Variants in CSMD2 observed in about 807,000 individuals in gnomAD.
CSMD2 encodes CUB and Sushi multiple domains 2.
In CSMD2, 130 loss-of-function variants were observed where a neutral mutation model predicts 398.5. The observed-to-expected ratio is 0.33, with a 90% confidence interval of 0.28 to 0.38. The LOEUF is 0.38. CSMD2 is among the 10% of genes least tolerant of loss of function. The pLI is 1.00. For missense variants in CSMD2, 3,829 were observed against 4,764.9 expected (o/e 0.80, Z 5.78); for synonymous variants, 1,828 against 1,908.5 (o/e 0.96, Z 1.10).
At chr1:33,680,953 C>T (rs187274031) in intron 25 of CSMD2, among the ~76,000 whole-genome samples, 1,039 of 95,640 alleles carry the variant, frequency 0.011, 8 homozygotes, top group Middle Eastern at 0.053. Context: ...GAGACAGAAT[C>T]TCACTCTGGC....
At chr1:33,531,376 A>G (rs1012051986) in intron 64 of CSMD2, among the ~76,000 whole-genome samples, 1 of 152,206 alleles carries the variant, frequency 6.6e-6, no homozygotes, top group Non-Finnish European at 1.5e-5. Flanking sequence ...TTGGACCCTG[A>G]TGCATTGCTG....
rs1428098485 is a variant in CSMD2 at position 33,567,773 on chromosome 1, T to C, written c.8200A>G (p.Thr2734Ala). ...GGAGTCCCACAGTGTCCAGCTTTGG[T>C]GAGGGATGGGGAAGAGAGTACATCG... ...LFDVLSSPSL[T>A]KAGHCGTPEP... Residue 2734 changes from threonine (T) to alanine (A), a missense_variant, in exon 53 of 71, where the codon ACC becomes GCC. This residue lies in a region of CSMD2 where 917 missense variants were observed against 1,199.5 expected (regional missense o/e 0.76). Transcript: ENST00000373381. The C allele has an allele frequency of 6.2e-7, 1 of 1,613,618 alleles. No individual in the cohort carries two copies.
At chr1:33,800,288 G>A (rs1253606652) in intron 10 of CSMD2, among the ~76,000 whole-genome samples, 1 of 152,172 alleles carries the variant, frequency 6.6e-6, no homozygotes, top group African/African-American at 2.4e-5. Context: ...ATTAACTCCT[G>A]GGGTGAGGAG....
At chr1:33,673,819 A>G (rs559403255) in intron 25 of CSMD2, among the ~76,000 whole-genome samples, 2 of 152,364 alleles carry the variant, frequency 1.3e-5, no homozygotes, top group Non-Finnish European at 2.9e-5. Context: ...ACATTCTTAA[A>G]GAAAAGAATT....
At chr1:34,128,840 G>A (rs1372170488) in intron 1 of CSMD2, among the ~76,000 whole-genome samples, 1 of 152,148 alleles carries the variant, frequency 6.6e-6, no homozygotes, top group Non-Finnish European at 1.5e-5. Flanking sequence ...GAGGTTCAAG[G>A]TCAAAGCCTG....
intron 1 of CSMD2, among the ~76,000 whole-genome samples, chr1:34,114,584 A>C (rs1013858101): frequency 6.6e-6 from 1 of 152,140 alleles, no homozygotes; most frequent in African/African-American, 2.4e-5. Flanking sequence ...CTATAGTCCT[A>C]GCTACTCAGG....
chr1:34,158,867 G>A (rs1641049549), intron 1 of CSMD2, among the ~76,000 whole-genome samples: 1 of 152,186 alleles, frequency 6.6e-6, no homozygotes, highest in Non-Finnish European at 1.5e-5. Flanking sequence ...CAATATTACA[G>A]TGATAATTAA....
intron 22 of CSMD2, among the ~76,000 whole-genome samples, chr1:33,708,722 C>T (rs562935975): frequency 6.6e-6 from 1 of 151,916 alleles, no homozygotes; most frequent in Non-Finnish European, 1.5e-5. Context: ...CCACCTCAGC[C>T]TACCCAGTAG....
intron 2 of CSMD2, among the ~76,000 whole-genome samples, chr1:34,077,507 C>A (rs186434560): frequency 3.5e-4 from 47 of 134,154 alleles, no homozygotes; most frequent in African/African-American, 1.1e-3. Context: ...GAGGCCGAGG[C>A]GGGCGAATCA....
chr1:34,055,415 C>G (rs1347467720), intron 2 of CSMD2, among the ~76,000 whole-genome samples: 1 of 152,072 alleles, frequency 6.6e-6, no homozygotes, highest in African/African-American at 2.4e-5. Flanking sequence ...CTCAGTCTCA[C>G]AAGACTGCCT....
intron 25 of CSMD2, among the ~76,000 whole-genome samples, chr1:33,691,603 T>C (rs909034000): frequency 2.0e-5 from 3 of 152,210 alleles, no homozygotes; most frequent in Non-Finnish European, 2.9e-5. Flanking sequence ...GCTATACTTC[T>C]ATTCCTTTTC....
At chr1:33,808,574 A>C (rs1159909086) in intron 10 of CSMD2, among the ~76,000 whole-genome samples, 1 of 152,094 alleles carries the variant, frequency 6.6e-6, no homozygotes, top group Non-Finnish European at 1.5e-5. Flanking sequence ...AACTGTAAAA[A>C]TCTGTAGGAA....
intron 2 of CSMD2, among the ~76,000 whole-genome samples, chr1:34,057,480 C>T (rs564660912): frequency 6.6e-6 from 1 of 152,152 alleles, no homozygotes; most frequent in Non-Finnish European, 1.5e-5. Context: ...AGGACCCCTC[C>T]CCTCCTAGCA....
chr1:34,057,645 G>A (rs1207699995), intron 2 of CSMD2, among the ~76,000 whole-genome samples: 2 of 152,084 alleles, frequency 1.3e-5, no homozygotes, highest in African/African-American at 4.8e-5. Flanking sequence ...ACCGCTTCCC[G>A]TTACTCCCTT....
intron 1 of CSMD2, among the ~76,000 whole-genome samples, chr1:34,145,935 C>A (rs991049280): frequency 2.0e-5 from 3 of 152,208 alleles, no homozygotes; most frequent in African/African-American, 7.2e-5. Flanking sequence ...AGCCCTAACT[C>A]TGCAGATGTC....
At chr1:34,006,461 C>T (rs1008061200) in intron 3 of CSMD2, among the ~76,000 whole-genome samples, 51 of 152,196 alleles carry the variant, frequency 3.4e-4, no homozygotes. Context: ...TTCACCTCCA[C>T]ACTGTTTCCA....
intron 13 of CSMD2, among the ~76,000 whole-genome samples, chr1:33,761,744 A>G (rs1413227775): frequency 6.6e-6 from 1 of 152,174 alleles, no homozygotes; most frequent in Non-Finnish European, 1.5e-5. Context: ...GCCTCAGACC[A>G]CCACCCACTG....
At chr1:34,160,724 C>T (rs930706561) in intron 1 of CSMD2, among the ~76,000 whole-genome samples, 1 of 152,156 alleles carries the variant, frequency 6.6e-6, no homozygotes, top group Non-Finnish European at 1.5e-5. Flanking sequence ...ATATATAAGG[C>T]AGACAAATAA....
rs1246382488 is a variant in CSMD2, at chr1:33,577,383, A to G, written c.7489T>C (p.Tyr2497His). 1.2e-6 allele frequency: 2 copies of G among 1,614,040 alleles called. No homozygotes were observed. Among genetic ancestry groups the G allele is most frequent in the East Asian group, 4.5e-5 (2 of 44,886 alleles). ...GCCATGCTGTGTCCCACCAGGCGGT[A>G]GCCGGCGTTGCAGCCAAAGTGGATG... Reference protein sequence around the residue: ...GSIHFGCNAGYRLVGHSMAIC... With the variant: ...GSIHFGCNAGHRLVGHSMAIC... Residue 2497 changes from tyrosine (Y) to histidine (H), a missense_variant, in exon 49 of 71, where the codon TAC (tyrosine) becomes CAC (histidine). Physicochemically the swap from Tyr to His is moderately conservative, Grantham distance 83 (BLOSUM62 2). Coordinates refer to ENST00000373381, the MANE Select transcript of CSMD2 (RefSeq NM_001281956.2).
Sources: gnomAD v4.1 joint callset for allele counts (sites outside exome capture counted in the v4.1 genomes callset) on GRCh38, gnomAD v4.1.1 for gene constraint, gnomAD v4.1.1 regional missense constraint, MANE v1.5 for transcripts, NCBI Gene and HGNC (gene_info 2026-07-23, HGNC 2026-07-21) for gene names.